KCNIP4: variants seen among roughly 807,000 people sequenced by gnomAD.
KCNIP4 encodes the protein Kv channel-interacting protein 4.
A neutral mutation model predicts 34.0 loss-of-function variants in KCNIP4; 12 were observed. The observed-to-expected ratio is 0.35, with a 90% CI of 0.23 to 0.57. KCNIP4 has a LOEUF of 0.57. Ranked by LOEUF, KCNIP4 falls within the 20% of genes least tolerant of loss-of-function variation. The probability of loss-of-function intolerance (pLI) is 0.83; values close to 1 mark genes in which losing one functional copy is unlikely to be tolerated. For missense variants in KCNIP4, 238 were observed against 311.7 expected (o/e 0.76, Z 1.78); for synonymous variants, 124 against 102.2 (o/e 1.21, Z -1.29).
At chr4:20,894,797 A>G (rs1560549700) in intron 1 of KCNIP4, among the ~76,000 whole-genome samples, 1 of 152,260 alleles carries the variant, frequency 6.6e-6, no homozygotes, top group Non-Finnish European at 1.5e-5. Flanking sequence ...ATTAAACAAT[A>G]GAACAAGAAA....
chr4:20,934,436 C>A (rs1042163162), intron 1 of KCNIP4, among the ~76,000 whole-genome samples: 1 of 152,114 alleles, frequency 6.6e-6, no homozygotes, highest in Non-Finnish European at 1.5e-5. Flanking sequence ...AATTTCTCCC[C>A]TCTCTTGATT....
At chr4:21,336,350 A>T (rs1259236078) in intron 1 of KCNIP4, among the ~76,000 whole-genome samples, 1 of 152,070 alleles carries the variant, frequency 6.6e-6, no homozygotes, top group Non-Finnish European at 1.5e-5. Flanking sequence ...CCCTAGAGTT[A>T]CCTTTACCTA....
intron 2 of KCNIP4, chr4:20,850,928 G>A (rs971821074): frequency 3.1e-6 from 1 of 323,360 alleles, no homozygotes; most frequent in Middle Eastern, 9.0e-4. Context: ...CAACAAAAAA[G>A]AGCACAGGAA....
intron 1 of KCNIP4, among the ~76,000 whole-genome samples, chr4:20,968,824 G>A (rs907345671): frequency 1.3e-5 from 2 of 151,956 alleles, no homozygotes; most frequent in Non-Finnish European, 2.9e-5. Flanking sequence ...AATATCTAAC[G>A]TAAATGACCA....
At chr4:21,299,170 C>T (rs1052720091) in intron 1 of KCNIP4, among the ~76,000 whole-genome samples, 1 of 152,008 alleles carries the variant, frequency 6.6e-6, no homozygotes, top group Non-Finnish European at 1.5e-5. Context: ...ATACTATACT[C>T]TGTTTAACAC....
chr4:21,643,225 A>G (rs180704551), intron 1 of KCNIP4, among the ~76,000 whole-genome samples: 2 of 152,260 alleles, frequency 1.3e-5, no homozygotes, highest in Admixed American at 1.3e-4. Context: ...CATGAGATGT[A>G]TTGACTTTAT....
At chr4:21,738,196 T>A (rs1025349325) in intron 1 of KCNIP4, among the ~76,000 whole-genome samples, 1 of 152,022 alleles carries the variant, frequency 6.6e-6, no homozygotes, top group Non-Finnish European at 1.5e-5. Flanking sequence ...AAAAGGCATA[T>A]ACTTGAAATC....
chr4:21,719,588 G>C (rs931889362), intron 1 of KCNIP4, among the ~76,000 whole-genome samples: 2 of 152,132 alleles, frequency 1.3e-5, no homozygotes, highest in Non-Finnish European at 2.9e-5. Context: ...GAAATCCATT[G>C]TGTGGTTCAG....
intron 1 of KCNIP4, chr4:21,847,012 A>G (rs937954386): frequency 6.6e-6 from 1 of 152,148 alleles, no homozygotes; most frequent in Non-Finnish European, 1.5e-5. Context: ...CAGGAACAAC[A>G]GATAAGCACC....
intron 1 of KCNIP4, among the ~76,000 whole-genome samples, chr4:21,389,411 T>C (rs1268371232): frequency 1.3e-5 from 2 of 151,516 alleles, no homozygotes; most frequent in Non-Finnish European, 2.9e-5. Flanking sequence ...CATTAACTTG[T>C]CATTTACATT....
chr4:21,297,006 A>G (rs1388153232), intron 1 of KCNIP4, among the ~76,000 whole-genome samples: 1 of 151,608 alleles, frequency 6.6e-6, no homozygotes, highest in East Asian at 1.9e-4. Context: ...GTGTGTATAC[A>G]TACACACATA....
Position 21,743,446 on chromosome 4 carries a change from T to TTA in KCNIP4, c.61+205124_61+205125insTA, listed in dbSNP as rs1716562271. Among the ~76,000 whole-genome samples the TTA allele has an allele frequency of 2.0e-5, 3 of 151,472 alleles. No individual in the cohort carries two copies. The South Asian group carries it at 6.3e-4, about 32-fold the overall frequency. ...ACTTATAGAGAATCTTGTGATTACA[T>TTA]CAGGCTCACCCAGGAAGTATGGAGA... On this transcript the variant is annotated intron_variant, in intron 1 of 8. Coordinates refer to ENST00000382152, the MANE Select transcript of KCNIP4 (RefSeq NM_025221.6).
chr4:21,752,630 T>C (rs1172456366), intron 1 of KCNIP4, among the ~76,000 whole-genome samples: 3 of 152,178 alleles, frequency 2.0e-5, no homozygotes, highest in African/African-American at 7.2e-5. Flanking sequence ...ATTCTATTCT[T>C]TCCTGGGAAG....
chr4:21,596,683 C>G (rs1222562237), intron 1 of KCNIP4, among the ~76,000 whole-genome samples: 1 of 152,042 alleles, frequency 6.6e-6, no homozygotes, highest in East Asian at 1.9e-4. Flanking sequence ...TATTTATAAC[C>G]CTGAATTACT....
intron 1 of KCNIP4, among the ~76,000 whole-genome samples, chr4:21,026,912 C>T (rs1449104776): frequency 6.6e-6 from 1 of 151,956 alleles, no homozygotes; most frequent in East Asian, 1.9e-4. Flanking sequence ...AGGCAGGAGA[C>T]CTAGGCAAGA....
intron 1 of KCNIP4, among the ~76,000 whole-genome samples, chr4:21,750,855 T>G (rs1717106223): frequency 6.6e-6 from 1 of 152,100 alleles, no homozygotes; most frequent in Non-Finnish European, 1.5e-5. Context: ...TTCAAACAAT[T>G]CAGCCCTGGC....
chr4:20,798,113 G>A (rs1348705445), intron 3 of KCNIP4, among the ~76,000 whole-genome samples: 1 of 152,168 alleles, frequency 6.6e-6, no homozygotes, highest in African/African-American at 2.4e-5. Flanking sequence ...CATTCATTAA[G>A]TGCCTATCAT....
In KCNIP4 at chr4:21,158,220, C is replaced by T. The variant is rs139424096; in HGVS notation, c.62-275511G>A. ...CAGATGGTTTTGCCTTCGATTCTACCAAACATACAACGGGGAGATTATACA... is the reference window on the plus strand; with the variant it reads ...CAGATGGTTTTGCCTTCGATTCTACTAAACATACAACGGGGAGATTATACA... On this transcript the variant is annotated intron_variant, in intron 1 of 8. Transcript: ENST00000382152. Among the ~76,000 whole-genome samples the T allele has an allele frequency of 3.1e-3, 475 of 152,130 alleles. 3 individuals are homozygous for T. Among genetic ancestry groups the T allele is most frequent in the African/African-American group, 0.011 (452 of 41,524 alleles).
At chr4:21,295,119 C>G (rs996039245) in intron 1 of KCNIP4, among the ~76,000 whole-genome samples, 2 of 152,010 alleles carry the variant, frequency 1.3e-5, no homozygotes, top group Admixed American at 1.3e-4. Flanking sequence ...GTTGAAGCAA[C>G]CTGGTAAGAA....
Sources: allele counts gnomAD v4.1 joint callset (sites outside exome capture counted in the v4.1 genomes callset), GRCh38; gene constraint gnomAD v4.1.1; transcripts MANE v1.5; gene names NCBI Gene and HGNC (gene_info 2026-07-23, HGNC 2026-07-21).